The following MYOM1 variants were observed in gnomAD, a reference collection of about 807,000 sequenced individuals.
The protein encoded by MYOM1 is myomesin 1.
Under a neutral mutation model 205.3 loss-of-function variants are expected in MYOM1, and 164 were observed. The observed-to-expected ratio is 0.80, with a 90% CI of 0.70 to 0.91. MYOM1 has a LOEUF of 0.91. Among genes scored for constraint, MYOM1 ranks in the 40% least tolerant of loss-of-function variants. The pLI is 0.00. For synonymous variants in MYOM1, 772 were observed against 789.4 expected, an observed-to-expected ratio of 0.98 and a Z score of 0.37; for missense variants, 2,011 against 2,127.3, an observed-to-expected ratio of 0.95 and a Z score of 1.08.
chr18:3,237,598 C>CAAAAAAAAAAAAA, the MYOM1 span, among the ~76,000 whole-genome samples: 1 of 53,610 alleles, frequency 1.9e-5, no homozygotes, highest in Admixed American at 2.6e-4. Context: ...GACTCCGTCT[C>CAAAAAAAAAAAAA]AAAAAAAAAA....
At chr18:3,166,758 C>T (rs11661734) in intron 9 of MYOM1, among the ~76,000 whole-genome samples, 15,450 of 152,174 alleles carry the variant, frequency 0.1, 1,731 homozygotes, top group African/African-American at 0.28. Flanking sequence ...TCATTTACTA[C>T]TTTTTCTTTC....
chr18:3,083,819 A>G lies in MYOM1; in HGVS notation c.4454T>C (p.Val1485Ala). 6.3e-7 allele frequency: 1 copy of G among 1,577,168 alleles called. No individual in the cohort carries two copies. The highest frequency in any genetic ancestry group is 8.6e-7 in the Non-Finnish European group (1 of 1,160,064). Residue 1485 changes from valine (V) to alanine (A), a missense_variant, in exon 33 of 38, where the codon GTG (valine) becomes GCG (alanine). Physicochemically the swap from Val to Ala is moderately conservative, Grantham distance 64. Transcript: ENST00000356443. ...GGACCAGTTAACTTTCAAATCCTCC[A>G]CATAGTAAGTTACAAAAGAGTACAG... ...IQLYSFVTYY[V>A]EDLKVNWSHN...
chr18:3,154,775 A>G (rs780292573), intron 11 of MYOM1, among the ~76,000 whole-genome samples, 172 bp downstream of exon 11: 1 of 152,062 alleles, frequency 6.6e-6, no homozygotes, highest in Non-Finnish European at 1.5e-5. Context: ...AGAGAGCGAG[A>G]GACTGAGACA....
chr18:3,156,215 C>T (rs1341083764), intron 10 of MYOM1, among the ~76,000 whole-genome samples: 4 of 152,180 alleles, frequency 2.6e-5, no homozygotes, highest in Non-Finnish European at 5.9e-5. Flanking sequence ...ATTTGACCAA[C>T]GCTTTCATAA....
chr18:3,132,040 T>C (rs1374764523), intron 16 of MYOM1, among the ~76,000 whole-genome samples: 1 of 145,884 alleles, frequency 6.9e-6, no homozygotes, highest in Non-Finnish European at 1.5e-5. Context: ...ATTATATATA[T>C]GTATATATAA....
chr18:3,140,508 C>G (rs1342930535), intron 14 of MYOM1, among the ~76,000 whole-genome samples: 1 of 152,038 alleles, frequency 6.6e-6, no homozygotes, highest in Admixed American at 6.6e-5. Flanking sequence ...AAACAAGACT[C>G]TCTTGGAAGA....
chr18:3,161,310 T>C (rs1407979643), intron 10 of MYOM1, among the ~76,000 whole-genome samples: 1 of 152,232 alleles, frequency 6.6e-6, no homozygotes, highest in Non-Finnish European at 1.5e-5. Flanking sequence ...TTTTTACTGT[T>C]CAATGCCGAT....
chr18:3,209,211 T>C lies in MYOM1; in HGVS notation c.290+5723A>G, dbSNP rs2081163142. On this transcript the variant is annotated intron_variant, in intron 2 of 37. Transcript: ENST00000356443. This position sits in a 1 kb window ranked among gnomAD's most constrained non-coding sequence, Gnocchi z 4.0. ...AGAGAGTCTCAGAAGATTCATTGTATGCGCAAAATCTCCACAGACCATTTC... is the reference window on the plus strand; with the variant it reads ...AGAGAGTCTCAGAAGATTCATTGTACGCGCAAAATCTCCACAGACCATTTC... Among the ~76,000 whole-genome samples the C allele has an allele frequency of 6.6e-6, 1 of 152,222 alleles. No individual in the cohort carries two copies. The highest frequency in any genetic ancestry group is 2.4e-5 in the African/African-American group (1 of 41,464).
chr18:3,109,547 T>A (rs2079496540), intron 22 of MYOM1, among the ~76,000 whole-genome samples: 1 of 152,166 alleles, frequency 6.6e-6, no homozygotes, highest in African/African-American at 2.4e-5. Context: ...GGACCAAAAT[T>A]TGGCATAACT....
chr18:3,192,194 G>C (rs1306255770), intron 3 of MYOM1, among the ~76,000 whole-genome samples: 1 of 152,114 alleles, frequency 6.6e-6, no homozygotes, highest in Non-Finnish European at 1.5e-5. Flanking sequence ...TTTTGAAACA[G>C]AGTGGGAAAA....
At chr18:3,238,874 T>C in the MYOM1 span, among the ~76,000 whole-genome samples, 1 of 152,128 alleles carries the variant, frequency 6.6e-6, no homozygotes, top group Non-Finnish European at 1.5e-5. Context: ...TTGTATCTCT[T>C]TGACCCTTCT....
chr18:3,172,524 T>C (rs2080574896), intron 8 of MYOM1, among the ~76,000 whole-genome samples: 1 of 152,132 alleles, frequency 6.6e-6, no homozygotes, highest in Admixed American at 6.6e-5. Context: ...TTCTTTTTTT[T>C]TTTGAGATGG....
rs1485716370 is a variant in MYOM1 at position 3,219,554 on chromosome 18, A to G, written c.-29+249T>C. On this transcript the variant is annotated intron_variant, in intron 1 of 37. Transcript: ENST00000356443. The surrounding 1 kb of genome is among the most constrained non-coding windows in gnomAD (Gnocchi z 4.4). ...AATCCGAGGCAGATATGACCTCCTT[A>G]CAGTTCCAGGAACAGCAGCTTAATT... 2.0e-5 allele frequency among the ~76,000 whole-genome samples: 3 copies of G among 152,212 alleles called. No homozygotes were observed.
intron 3 of MYOM1, among the ~76,000 whole-genome samples, chr18:3,191,798 C>T (rs1259283062): frequency 2.0e-5 from 3 of 151,594 alleles, no homozygotes; most frequent in Non-Finnish European, 4.4e-5. Context: ...CAGGTTTAAG[C>T]GATTTTCCTG....
At chr18:3,238,371 TG>T in the MYOM1 span, among the ~76,000 whole-genome samples, 1 of 151,202 alleles carries the variant, frequency 6.6e-6, no homozygotes, top group Non-Finnish European at 1.5e-5. Flanking sequence ...CCCTCCGACC[TG>T]GGGGAGGGGG....
chr18:3,236,296 C>T, the MYOM1 span: 1 of 152,140 alleles, frequency 6.6e-6, no homozygotes, highest in Admixed American at 6.5e-5. Flanking sequence ...ACTTAGACCT[C>T]TTTAGGAGGC....
chr18:3,112,147 A>G lies in MYOM1; in HGVS notation c.3418+151T>C, dbSNP rs2079535937. The G allele has an allele frequency of 4.9e-6, 3 of 615,824 alleles. No individual in the cohort carries two copies. In the Admixed American group the frequency reaches 8.4e-5, roughly 17 times the overall value. 38.1% of individuals were successfully genotyped at this position (615,824 alleles called of 1,614,324 possible). A position where few individuals can be genotyped will look rare whatever the true frequency, so the allele number is the denominator to read the frequency against. On this transcript the variant is annotated intron_variant, in intron 22 of 37. Coordinates refer to ENST00000356443, the MANE Select transcript of MYOM1 (RefSeq NM_003803.4). ...TGAGGTGCCTGTGATGGGACCAATGACTGTCATGTTCTAAGATCATTACTT... is the reference window on the plus strand; with the variant it reads ...TGAGGTGCCTGTGATGGGACCAATGGCTGTCATGTTCTAAGATCATTACTT...
intron 33 of MYOM1, among the ~76,000 whole-genome samples, chr18:3,081,016 CA>C (rs1484651937): frequency 6.6e-6 from 1 of 151,766 alleles, no homozygotes; most frequent in Non-Finnish European, 1.5e-5. Flanking sequence ...CTTGTAATCC[CA>C]GCTATTTGGG....
intron 21 of MYOM1, among the ~76,000 whole-genome samples, chr18:3,113,119 G>A (rs12956620): frequency 0.89 from 118,444 of 132,894 alleles, 53,728 homozygotes; most frequent in East Asian, 0.98. Flanking sequence ...GAATTACTAA[G>A]AGCTGTAAAA....
Sources: gnomAD v4.1 joint callset for allele counts (sites outside exome capture counted in the v4.1 genomes callset) on GRCh38, gnomAD v4.1.1 for gene constraint, Gnocchi (gnomAD v3.1) non-coding constraint, MANE v1.5 for transcripts, NCBI Gene and HGNC (gene_info 2026-07-23, HGNC 2026-07-21) for gene names.